Variants in GSN observed in about 807,000 individuals in gnomAD.
GSN encodes the protein gelsolin.
GSN carries 56 observed loss-of-function variants against 85.7 expected under a neutral mutation model. The observed-to-expected ratio is 0.65, with a 90% confidence interval of 0.53 to 0.82. The LOEUF (loss-of-function observed/expected upper bound fraction) is 0.82. Ranked by LOEUF, GSN falls within the 40% of genes least tolerant of loss-of-function variation. The pLI, the probability that GSN is intolerant of heterozygous loss-of-function variation, is 0.00. For synonymous variants in GSN, 373 were observed against 399.1 expected (o/e 0.93, Z 0.78); for missense variants, 857 against 979.8 (o/e 0.87, Z 1.67).
intron 4 of GSN, among the ~76,000 whole-genome samples, chr9:121,215,191 G>A (rs1366477981): frequency 6.8e-6 from 1 of 148,022 alleles, no homozygotes; most frequent in African/African-American, 2.5e-5. Context: ...TTCTTCTAAG[G>A]GCACCAGTCA....
Position 121,329,234 on chromosome 9 carries a change from C to G in GSN, c.1888-4C>G, listed in dbSNP as rs768214606. The G allele has an allele frequency of 7.5e-6, 12 of 1,606,094 alleles. No homozygotes were observed. In the Admixed American group the frequency reaches 1.3e-4, roughly 18 times the overall value. On this transcript the variant is annotated splice_region_variant and splice_polypyrimidine_tract_variant and intron_variant, in intron 15 of 17. Coordinates refer to ENST00000432226, the MANE Select transcript of GSN (RefSeq NM_198252.3). This position sits in a 1 kb window ranked among gnomAD's most constrained non-coding sequence, Gnocchi z 4.6. ...CTCACTGATGCTCTTTCGTTCCTTC[C>G]CAGATCGAAGAGGTTCCTGGTGAGC...
chr9:121,286,174 T>G, intron 2 of GSN: 1 of 1,533,754 alleles, frequency 6.5e-7, no homozygotes, highest in South Asian at 1.2e-5. Flanking sequence ...CAGGGGCAAT[T>G]CTGACCCATG....
rs140042418 is a variant in GSN, at chr9:121,321,301, G to A, written c.1225G>A (p.Val409Met). 2,357 of 1,613,836 alleles carry A rather than the reference G, an allele frequency of 1.5e-3. 2 individuals carry two copies. The highest frequency in any genetic ancestry group is 1.8e-3 in the Non-Finnish European group (2,088 of 1,179,714). Residue 409 changes from valine to methionine, a missense_variant, in exon 11 of 18, where the codon GTG becomes ATG. Coordinates refer to ENST00000432226, the MANE Select transcript of GSN (RefSeq NM_198252.3). ...WRIEGSNKVP[V>M]DPATYGQFYG... The stretch of plus-strand genomic sequence containing the variant: ...AATCGAAGGTTCCAACAAGGTGCCC[G>A]TGGACCCTGCCACATATGGACAGTT...
chr9:121,326,812 A>G, intron 13 of GSN, 130 bp downstream of exon 13: 1 of 892,626 alleles, frequency 1.1e-6, no homozygotes, highest in South Asian at 1.3e-5. Flanking sequence ...AGCTTTTTGT[A>G]TTTTCCTGCC....
At chr9:121,246,922 G>A (rs1205244033) in intron 5 of GSN, among the ~76,000 whole-genome samples, 1 of 152,232 alleles carries the variant, frequency 6.6e-6, no homozygotes, top group East Asian at 1.9e-4. Flanking sequence ...TAAGGCGTGT[G>A]TGATATGGCT....
intron 12 of GSN, among the ~76,000 whole-genome samples, chr9:121,325,284 C>T (rs1427160313): frequency 6.6e-6 from 1 of 152,204 alleles, no homozygotes; most frequent in African/African-American, 2.4e-5. Context: ...ACCCCTGTCC[C>T]AGGAGGGGAC....
chr9:121,264,927 C>T (rs1219482437), upstream of GSN, among the ~76,000 whole-genome samples: 2 of 152,206 alleles, frequency 1.3e-5, no homozygotes, highest in African/African-American at 2.4e-5. Context: ...AAGCCATTTT[C>T]TGGAAAGCAG....
At chr9:121,206,942 A>G (rs1344751640), upstream of GSN, among the ~76,000 whole-genome samples, 1 of 152,184 alleles carries the variant, frequency 6.6e-6, no homozygotes, top group Non-Finnish European at 1.5e-5. Context: ...AGTGGGGCAT[A>G]ATGACCACAC....
intron 6 of GSN, among the ~76,000 whole-genome samples, chr9:121,258,846 T>C (rs2055022806): frequency 6.6e-6 from 1 of 152,236 alleles, no homozygotes; most frequent in Non-Finnish European, 1.5e-5. Flanking sequence ...TGGAATTTCT[T>C]TATTTGATCA....
intron 5 of GSN, chr9:121,311,275 G>A (rs7046624): frequency 0.82 from 213,615 of 259,866 alleles, 88,212 homozygotes; most frequent in East Asian, 0.99. Flanking sequence ...ATGATCTATG[G>A]CAATGTGTGT....
intron 11 of GSN, among the ~76,000 whole-genome samples, chr9:121,323,424 C>T (rs1273894568): frequency 1.5e-5 from 2 of 134,176 alleles, no homozygotes; most frequent in Non-Finnish European, 3.1e-5. Flanking sequence ...GGCTGGAGTG[C>T]AGTGGCATGA....
At chr9:121,321,910 T>G (rs774593237) in intron 11 of GSN, among the ~76,000 whole-genome samples, 28 of 152,056 alleles carry the variant, frequency 1.8e-4, no homozygotes, top group Non-Finnish European at 2.6e-4. Flanking sequence ...CCTGGCTAAT[T>G]TTTTGTATTT....
rs532831927 is a variant in GSN, at chr9:121,294,112, T to G, written c.-9-7851T>G. ...TTCCTCTGCAGAGCAGGAAGCTGCC[T>G]CCTGTGGCTTCTCCTGCTCATTCTG... is the stretch of plus-strand genomic sequence containing the variant. On this transcript the variant is annotated intron_variant, in intron 2 of 17. Coordinates refer to ENST00000432226, the MANE Select transcript of GSN (RefSeq NM_198252.3). 3.4e-4 allele frequency among the ~76,000 whole-genome samples: 52 copies of G among 152,310 alleles called. 1 individual carries two copies. Among genetic ancestry groups the G allele is most frequent in the African/African-American group, 9.9e-4 (41 of 41,578 alleles).
chr9:121,332,318 G>T lies in GSN; in HGVS notation c.2027-116G>T. The T allele has an allele frequency of 4.2e-6, 4 of 962,322 alleles. No homozygotes were observed. The highest frequency in any genetic ancestry group is 5.1e-6 in the Non-Finnish European group (3 of 588,792). 59.6% of individuals were successfully genotyped at this position (962,322 alleles called of 1,614,324 possible). A position where few individuals can be genotyped will look rare whatever the true frequency, so the allele number is the denominator to read the frequency against. On this transcript the variant is annotated intron_variant, in intron 17 of 17. Coordinates refer to ENST00000432226, the MANE Select transcript of GSN (RefSeq NM_198252.3). The surrounding 1 kb of genome is among the most constrained non-coding windows in gnomAD (Gnocchi z 4.8). ...CCCAGGGCAGGGGGTGGGCAGTAGGGACAGTAGGACCATAGACCCTCTTCT... is the reference window on the plus strand; with the variant it reads ...CCCAGGGCAGGGGGTGGGCAGTAGGTACAGTAGGACCATAGACCCTCTTCT...
Position 121,314,010 on chromosome 9 carries a change from C to G in GSN, c.740C>G (p.Ala247Gly), listed in dbSNP as rs1721704119. 2.5e-6 allele frequency: 4 copies of G among 1,613,346 alleles called. No individual in the cohort carries two copies. Among genetic ancestry groups the G allele is most frequent in the Non-Finnish European group, 3.4e-6 (4 of 1,179,378 alleles). Residue 247 changes from alanine (A) to glycine (G), a missense_variant, in exon 7 of 18, where the codon GCC becomes GGC. By Grantham distance (60) the Ala-to-Gly change is moderately conservative. Coordinates refer to ENST00000432226, the MANE Select transcript of GSN (RefSeq NM_198252.3). ...GAGGATGCGGCCAACCGCAAGCTGG[C>G]CAAGCTCTACAAGGTGAGCACCAGA... ...AKEDAANRKL[A>G]KLYKVSNGAG... is the part of the protein sequence containing the mutation.
In GSN at chr9:121,318,940, G is replaced by A; in HGVS notation, c.1191+60G>A. On this transcript the variant is annotated intron_variant, in intron 10 of 17. Transcript: ENST00000432226. This position sits in a 1 kb window ranked among gnomAD's most constrained non-coding sequence, Gnocchi z 4.3. ...CCCTCCCTCACTTTCCCCATGCACT[G>A]CCTCTTGCTTCCCCAAGGAGGTTTC... is the stretch of plus-strand genomic sequence containing the variant. The A allele has an allele frequency of 3.9e-6, 5 of 1,297,394 alleles. No homozygotes were observed. The highest frequency in any genetic ancestry group is 5.6e-6 in the Non-Finnish European group (5 of 894,862). The allele number at this position is 1,297,394 out of a possible 1,614,324, so 80.4% of individuals were successfully genotyped here.
chr9:121,260,050 T>C (rs910609265), intron 6 of GSN, among the ~76,000 whole-genome samples: 1 of 152,228 alleles, frequency 6.6e-6, no homozygotes, highest in Non-Finnish European at 1.5e-5. Context: ...CTTTGGAGAA[T>C]GGCTGTGTGA....
In GSN at chr9:121,303,060, T is replaced by C; in HGVS notation, c.346T>C (p.Tyr116His). The change falls in exon 4 of 18, where the codon TAC becomes CAC. Residue 116 changes from tyrosine to histidine, a missense_variant. Physicochemically the swap from Tyr to His is moderately conservative, Grantham distance 83. Coordinates refer to ENST00000432226, the MANE Select transcript of GSN (RefSeq NM_198252.3). ...FLGYFKSGLK[Y>H]KKGGVASGFK... ...AGGCTACTTCAAGTCTGGCCTGAAG[T>C]ACAAGGTGGGTTGGGCCCCACCTTG... 1 of 1,613,450 alleles carries C rather than the reference T, an allele frequency of 6.2e-7. No individual in the cohort carries two copies. Among genetic ancestry groups the C allele is most frequent in the South Asian group, 1.1e-5 (1 of 91,074 alleles).
chr9:121,310,959 A>G, intron 5 of GSN, 114 bp downstream of exon 5: 1 of 907,716 alleles, frequency 1.1e-6, no homozygotes. Context: ...AACCACAGGG[A>G]CCAGCATTGT....
Sources: allele counts gnomAD v4.1 joint callset (sites outside exome capture counted in the v4.1 genomes callset), GRCh38; gene constraint gnomAD v4.1.1; non-coding constraint Gnocchi (gnomAD v3.1); transcripts MANE v1.5; gene names NCBI Gene and HGNC (gene_info 2026-07-23, HGNC 2026-07-21).